ZFHX3: variants seen among roughly 807,000 people sequenced by gnomAD.
ZFHX3 encodes the protein zinc finger homeobox 3, also known as zinc finger homeobox protein 3.
ZFHX3 carries 42 observed loss-of-function variants against 279.1 expected under a neutral mutation model. The observed-to-expected ratio is 0.15, with a 90% confidence interval of 0.12 to 0.19. ZFHX3 has a LOEUF of 0.19. ZFHX3 is among the 10% of genes least tolerant of loss of function. The pLI is 1.00. For synonymous variants in ZFHX3, 2,293 were observed against 1,957.8 expected (o/e 1.17, Z -4.52); for missense variants, 4,981 against 4,754.0 (o/e 1.05, Z -1.40).
chr16:72,999,423 C>CT (rs553811400), intron 1 of ZFHX3, among the ~76,000 whole-genome samples: 122 of 152,328 alleles, frequency 8.0e-4, no homozygotes, highest in African/African-American at 2.8e-3. Context: ...TCCCAAAGTG[C>CT]TGGGATTACA....
intron 5 of ZFHX3, among the ~76,000 whole-genome samples, chr16:73,168,225 T>TTCTTTCTTTCTTTCTTTCTA: frequency 7.5e-6 from 1 of 134,204 alleles, no homozygotes; most frequent in South Asian, 2.7e-4. Flanking sequence ...CTTTCTTTCT[T>TTCTTTCTTTCTTTCTTTCTA]TCTTTCTTTC....
intron 4 of ZFHX3, among the ~76,000 whole-genome samples, chr16:73,286,934 G>C (rs1261709385): frequency 6.6e-6 from 1 of 150,974 alleles, no homozygotes; most frequent in African/African-American, 2.4e-5. Context: ...GTGGGTTGGT[G>C]TGTGGCTATG....
chr16:73,762,841 A>T (rs887806116), intron 1 of ZFHX3, among the ~76,000 whole-genome samples: 7 of 152,134 alleles, frequency 4.6e-5, no homozygotes, highest in Admixed American at 3.9e-4. Flanking sequence ...GAGCAGAGAG[A>T]GGGAGAACAT....
At chr16:73,662,292 A>G (rs532104288) in intron 2 of ZFHX3, among the ~76,000 whole-genome samples, 43 of 152,302 alleles carry the variant, frequency 2.8e-4, no homozygotes, top group African/African-American at 9.6e-4. Context: ...GGCTTCATAC[A>G]CAGAATTTTA....
intron 8 of ZFHX3, among the ~76,000 whole-genome samples, chr16:73,080,910 G>A (rs1190756408): frequency 1.3e-5 from 2 of 151,954 alleles, no homozygotes; most frequent in African/African-American, 4.8e-5. Flanking sequence ...CCAAAAGTCT[G>A]AAAAGAAAAA....
At chr16:73,158,982 G>C (rs574996010) in intron 5 of ZFHX3, among the ~76,000 whole-genome samples, 1 of 152,308 alleles carries the variant, frequency 6.6e-6, no homozygotes, top group South Asian at 2.1e-4. Flanking sequence ...AACCCTGGAA[G>C]ACAACCTAGG....
chr16:73,325,847 C>T (rs763090907), intron 3 of ZFHX3, among the ~76,000 whole-genome samples: 2 of 151,558 alleles, frequency 1.3e-5, no homozygotes, highest in Non-Finnish European at 2.9e-5. Context: ...GCAGCATATA[C>T]AGAAATGCAT....
intron 1 of ZFHX3, among the ~76,000 whole-genome samples, chr16:73,693,705 A>T (rs2053169937): frequency 6.6e-6 from 1 of 152,206 alleles, no homozygotes; most frequent in Non-Finnish European, 1.5e-5. Context: ...AAATCAATGT[A>T]AACAGTCCCT....
chr16:72,896,302 G>C (rs533857706), intron 3 of ZFHX3, among the ~76,000 whole-genome samples: 1 of 152,072 alleles, frequency 6.6e-6, no homozygotes, highest in Admixed American at 6.5e-5. Flanking sequence ...TGTTCATCCC[G>C]TCTCAGTTTC....
At chr16:73,674,953 C>G (rs912159324) in intron 2 of ZFHX3, among the ~76,000 whole-genome samples, 1 of 152,084 alleles carries the variant, frequency 6.6e-6, no homozygotes, top group African/African-American at 2.4e-5. Flanking sequence ...CCATGCATGT[C>G]CTAATAAATG....
intron 7 of ZFHX3, among the ~76,000 whole-genome samples, chr16:73,104,445 G>A (rs565217797): frequency 6.6e-6 from 1 of 152,184 alleles, no homozygotes; most frequent in Non-Finnish European, 1.5e-5. Flanking sequence ...TGCCCAGAGT[G>A]GCCTCAACTC....
intron 5 of ZFHX3, among the ~76,000 whole-genome samples, chr16:73,212,040 T>TATTA: frequency 6.6e-6 from 1 of 152,314 alleles, no homozygotes; most frequent in East Asian, 1.9e-4. Context: ...AAATTGACCC[T>TATTA]GAACATTAAT....
intron 4 of ZFHX3, among the ~76,000 whole-genome samples, chr16:72,878,020 C>T (rs1364844395): frequency 6.6e-6 from 1 of 151,716 alleles, no homozygotes; most frequent in Non-Finnish European, 1.5e-5. Context: ...CATAGTGAGA[C>T]CCTGTCTACA....
At chr16:73,393,912 GA>G (rs888363785) in intron 3 of ZFHX3, among the ~76,000 whole-genome samples, 3 of 146,136 alleles carry the variant, frequency 2.1e-5, no homozygotes, top group African/African-American at 5.0e-5. Context: ...TGATATATAT[GA>G]ATATATGATA....
At chr16:73,478,941 A>C (rs2018816607) in intron 2 of ZFHX3, among the ~76,000 whole-genome samples, 1 of 152,146 alleles carries the variant, frequency 6.6e-6, no homozygotes, top group Non-Finnish European at 1.5e-5. Context: ...AATCCCAGCT[A>C]CTCAGGAGGC....
chr16:73,753,930 G>A (rs1391372548), intron 1 of ZFHX3, among the ~76,000 whole-genome samples: 1 of 151,140 alleles, frequency 6.6e-6, no homozygotes, highest in Non-Finnish European at 1.5e-5. Context: ...AGTGTTTGTT[G>A]TGTCTTTATA....
At chr16:73,750,751 T>G (rs960235144) in intron 1 of ZFHX3, among the ~76,000 whole-genome samples, 2 of 152,208 alleles carry the variant, frequency 1.3e-5, no homozygotes, top group Non-Finnish European at 2.9e-5. Context: ...TAAGAGAGTC[T>G]GTCTCTGTGT....
intron 4 of ZFHX3, among the ~76,000 whole-genome samples, chr16:72,878,875 C>T (rs2038387961): frequency 6.6e-6 from 1 of 152,210 alleles, no homozygotes; most frequent in African/African-American, 2.4e-5. Context: ...TCCAATACAG[C>T]AGCCACTAGC....
At chr16:72,939,928 C>A (rs1960327569) in intron 3 of ZFHX3, among the ~76,000 whole-genome samples, 1 of 152,142 alleles carries the variant, frequency 6.6e-6, no homozygotes, top group Admixed American at 6.5e-5. Flanking sequence ...ATAAGCACCA[C>A]CACACCCTGA....
Sources: gnomAD v4.1 joint callset for allele counts (sites outside exome capture counted in the v4.1 genomes callset) on GRCh38, gnomAD v4.1.1 for gene constraint, MANE v1.5 for transcripts, NCBI Gene and HGNC (gene_info 2026-07-23, HGNC 2026-07-21) for gene names.